Variants in WWOX observed in about 807,000 individuals in gnomAD.
WWOX encodes the protein WW domain-containing oxidoreductase.
In WWOX, 69 loss-of-function variants were observed where a neutral mutation model predicts 46.2. The observed-to-expected ratio is 1.49, with a 90% confidence interval of 1.23 to 1.82. The LOEUF is 1.82. WWOX is among the 40% of genes most tolerant of loss of function. The pLI is 0.00. For synonymous variants in WWOX, 359 were observed against 202.6 expected, an observed-to-expected ratio of 1.77 and a Z score of -6.56; for missense variants, 919 against 542.6, an observed-to-expected ratio of 1.69 and a Z score of -6.89.
intron 8 of WWOX, among the ~76,000 whole-genome samples, chr16:79,191,687 G>C (rs1044469279): frequency 3.9e-5 from 6 of 152,196 alleles, no homozygotes; most frequent in Admixed American, 1.3e-4. Context: ...AATAGGCCAT[G>C]ATAAAGAATA....
intron 4 of WWOX, among the ~76,000 whole-genome samples, chr16:78,128,639 A>G (rs2151693275): frequency 6.6e-6 from 1 of 152,308 alleles, no homozygotes; most frequent in African/African-American, 2.4e-5. Context: ...CCACATCTTG[A>G]TTATAGAAAC....
intron 8 of WWOX, among the ~76,000 whole-genome samples, chr16:78,637,233 G>C (rs2161720): frequency 0.92 from 140,497 of 152,112 alleles, 65,029 homozygotes; most frequent in Non-Finnish European, 0.96. Flanking sequence ...ACCAGCCTGG[G>C]CAACATGGTG....
intron 8 of WWOX, among the ~76,000 whole-genome samples, chr16:78,849,143 AC>A (rs1360739814): frequency 6.6e-6 from 1 of 152,090 alleles, no homozygotes; most frequent in East Asian, 1.9e-4. Context: ...TTAACTGTGT[AC>A]CCCTCCTAGT....
chr16:78,215,266 T>C (rs1287933397), intron 5 of WWOX, among the ~76,000 whole-genome samples: 2 of 152,192 alleles, frequency 1.3e-5, no homozygotes, highest in African/African-American at 2.4e-5. Context: ...TTAATCCTCA[T>C]GATGATTGGT....
At chr16:78,125,406 C>G (rs186010472) in intron 4 of WWOX, among the ~76,000 whole-genome samples, 1 of 152,144 alleles carries the variant, frequency 6.6e-6, no homozygotes, top group Non-Finnish European at 1.5e-5. Context: ...TGAGCTCTTT[C>G]TAAGCAGCTC....
intron 5 of WWOX, among the ~76,000 whole-genome samples, chr16:78,317,801 C>G (rs1009321687): frequency 2.0e-5 from 3 of 152,260 alleles, no homozygotes; most frequent in South Asian, 4.2e-4. Context: ...TTATGACATC[C>G]AAGGACTTGG....
At chr16:78,584,547 G>A (rs1195893302) in intron 8 of WWOX, among the ~76,000 whole-genome samples, 1 of 152,216 alleles carries the variant, frequency 6.6e-6, no homozygotes, top group South Asian at 2.1e-4. Context: ...TAAGTGAACT[G>A]AGGTGTTATT....
rs376612868 is a variant in WWOX, at chr16:79,139,434, C to G, written c.1057-72174C>G. Among the ~76,000 whole-genome samples the G allele has an allele frequency of 6.8e-4, 104 of 152,286 alleles. 1 individual carries two copies. Among genetic ancestry groups the G allele is most frequent in the Middle Eastern group, 3.4e-3 (1 of 294 alleles). ...ACTTTGCCTGCAGTTAATTTGACATCTAGTGCCAGAGAGCTGCTTTATATT... is the reference window on the plus strand; with the variant it reads ...ACTTTGCCTGCAGTTAATTTGACATGTAGTGCCAGAGAGCTGCTTTATATT... On this transcript the variant is annotated intron_variant, in intron 8 of 8. Coordinates refer to ENST00000566780, the MANE Select transcript of WWOX (RefSeq NM_016373.4).
At chr16:78,874,711 T>C (rs1196358129) in intron 8 of WWOX, among the ~76,000 whole-genome samples, 1 of 114,812 alleles carries the variant, frequency 8.7e-6, no homozygotes, top group African/African-American at 3.2e-5. Flanking sequence ...TTTTTTTGGC[T>C]GACTGTCATG....
intron 8 of WWOX, among the ~76,000 whole-genome samples, chr16:78,489,685 T>TG (rs2084731356): frequency 1.3e-5 from 2 of 152,150 alleles, no homozygotes; most frequent in Non-Finnish European, 2.9e-5. Flanking sequence ...GAAATGGCTG[T>TG]GGGGCGCCTG....
At chr16:78,822,473 G>C (rs941906188) in intron 8 of WWOX, among the ~76,000 whole-genome samples, 1 of 85,454 alleles carries the variant, frequency 1.2e-5, no homozygotes, top group Admixed American at 1.3e-4. Flanking sequence ...CAGCCTGAGA[G>C]ACAGAGCCGA....
chr16:78,799,941 C>T (rs936048619), intron 8 of WWOX, among the ~76,000 whole-genome samples: 3 of 152,144 alleles, frequency 2.0e-5, no homozygotes, highest in Admixed American at 6.5e-5. Context: ...ATCTCAGGCA[C>T]TAGTTAGGAA....
intron 8 of WWOX, among the ~76,000 whole-genome samples, chr16:78,690,701 T>A (rs753415042): frequency 1.3e-5 from 2 of 152,192 alleles, no homozygotes; most frequent in Admixed American, 6.5e-5. Flanking sequence ...ATCTGGGTGC[T>A]TTCCAGTCAC....
chr16:78,139,563 T>G (rs746849830), intron 4 of WWOX, among the ~76,000 whole-genome samples: 14 of 152,158 alleles, frequency 9.2e-5, no homozygotes, highest in Non-Finnish European at 1.5e-4. Flanking sequence ...GAGAATTGCT[T>G]GAACCCAGGA....
At chr16:79,079,384 G>T (rs947944365) in intron 8 of WWOX, among the ~76,000 whole-genome samples, 3 of 151,882 alleles carry the variant, frequency 2.0e-5, no homozygotes, top group Non-Finnish European at 4.4e-5. Context: ...CACCCATCCA[G>T]CCAGCCAGCC....
At chr16:78,700,283 G>A (rs2048184666) in intron 8 of WWOX, among the ~76,000 whole-genome samples, 1 of 149,232 alleles carries the variant, frequency 6.7e-6, no homozygotes, top group Admixed American at 6.7e-5. Context: ...GTGGACAGCT[G>A]CCTTCTTGCT....
intron 8 of WWOX, among the ~76,000 whole-genome samples, chr16:79,134,819 C>A (rs1297340089): frequency 6.6e-6 from 1 of 152,168 alleles, no homozygotes; most frequent in East Asian, 1.9e-4. Flanking sequence ...TTTCATTTGA[C>A]ACGGGATGGC....
chr16:79,105,725 C>T (rs892262669), intron 8 of WWOX, among the ~76,000 whole-genome samples: 2 of 150,806 alleles, frequency 1.3e-5, no homozygotes, highest in Non-Finnish European at 2.9e-5. Flanking sequence ...TGCAGTAGTG[C>T]AATCTTGGCT....
chr16:79,190,272 G>C (rs1333030318), intron 8 of WWOX, among the ~76,000 whole-genome samples: 1 of 152,064 alleles, frequency 6.6e-6, no homozygotes, highest in African/African-American at 2.4e-5. Flanking sequence ...TGATCTGCCT[G>C]CCTCAGCCTC....
Sources: allele counts gnomAD v4.1 joint callset (sites outside exome capture counted in the v4.1 genomes callset), GRCh38; gene constraint gnomAD v4.1.1; transcripts MANE v1.5; gene names NCBI Gene and HGNC (gene_info 2026-07-23, HGNC 2026-07-21).